Variants in DCBLD2 observed in about 807,000 individuals in gnomAD.
The protein encoded by DCBLD2 is discoidin, CUB and LCCL domain containing 2.
DCBLD2 carries 54 observed loss-of-function variants against 86.8 expected under a neutral mutation model. The observed-to-expected ratio is 0.62, with a 90% CI of 0.50 to 0.78. DCBLD2 has a LOEUF of 0.78. DCBLD2 is among the 30% of genes least tolerant of loss of function. DCBLD2 has a pLI of 0.00. For synonymous variants in DCBLD2, 354 were observed against 341.3 expected (o/e 1.04, Z -0.41); for missense variants, 908 against 954.2 (o/e 0.95, Z 0.64).
intron 3 of DCBLD2, among the ~76,000 whole-genome samples, chr3:98,848,291 C>T (rs1045872673): frequency 1.3e-5 from 2 of 152,180 alleles, no homozygotes; most frequent in Non-Finnish European, 2.9e-5. Context: ...CATGTCCCTG[C>T]AAAGAACATC....
intron 4 of DCBLD2, among the ~76,000 whole-genome samples, chr3:98,824,177 T>C (rs760165209): frequency 1.3e-5 from 2 of 152,102 alleles, no homozygotes; most frequent in Non-Finnish European, 2.9e-5. Flanking sequence ...TATTTCTAAG[T>C]AAAAATAGGA....
intron 2 of DCBLD2, among the ~76,000 whole-genome samples, chr3:98,860,408 A>G (rs141709857): frequency 0.061 from 9,303 of 152,208 alleles, 350 homozygotes; most frequent in Non-Finnish European, 0.071. Flanking sequence ...GAGCAACTTC[A>G]TGACACATAA....
chr3:98,881,278 A>C (rs1164754254), intron 2 of DCBLD2, among the ~76,000 whole-genome samples: 1 of 151,752 alleles, frequency 6.6e-6, no homozygotes. Flanking sequence ...AAAAAAAAAA[A>C]ACAGAGAATT....
chr3:98,845,047 C>T (rs1001363079), intron 3 of DCBLD2, among the ~76,000 whole-genome samples: 2 of 152,110 alleles, frequency 1.3e-5, no homozygotes. Context: ...ATTATTAGTC[C>T]TCTCATAGTT....
At chr3:98,811,149 C>T in intron 12 of DCBLD2, 45 bp downstream of exon 12, 1 of 1,491,972 alleles carries the variant, frequency 6.7e-7, no homozygotes, top group Non-Finnish European at 8.9e-7. Flanking sequence ...CAGTTAAGAA[C>T]AAAACAATAC....
intron 3 of DCBLD2, among the ~76,000 whole-genome samples, chr3:98,829,248 C>G (rs909416310): frequency 3.3e-5 from 5 of 151,984 alleles, no homozygotes; most frequent in African/African-American, 1.2e-4. Context: ...GGTACAGACC[C>G]CACCACCAAG....
intron 3 of DCBLD2, among the ~76,000 whole-genome samples, chr3:98,834,149 T>C (rs1256196383): frequency 1.3e-5 from 2 of 151,448 alleles, no homozygotes; most frequent in African/African-American, 4.8e-5. Flanking sequence ...TTTCTTTTTT[T>C]TTTTTTTTTT....
intron 2 of DCBLD2, among the ~76,000 whole-genome samples, chr3:98,878,087 T>C (rs909566765): frequency 1.2e-4 from 19 of 152,176 alleles, no homozygotes; most frequent in African/African-American, 1.2e-4. Flanking sequence ...TCATACAAGA[T>C]TAATATGTCC....
At chr3:98,807,974 T>C in intron 13 of DCBLD2, 107 bp downstream of exon 13, 1 of 780,196 alleles carries the variant, frequency 1.3e-6, no homozygotes, top group South Asian at 4.1e-5. Flanking sequence ...ATTTTAATAA[T>C]TACCTTAACT....
chr3:98,888,188 A>G (rs1447268950), intron 1 of DCBLD2, among the ~76,000 whole-genome samples: 1 of 151,988 alleles, frequency 6.6e-6, no homozygotes, highest in Non-Finnish European at 1.5e-5. Flanking sequence ...AAAATACTGC[A>G]TAAGATGCAC....
At chr3:98,820,382 C>T (rs1480598882) in intron 6 of DCBLD2, 94 bp from the exon 7 acceptor site, 5 of 947,762 alleles carry the variant, frequency 5.3e-6, no homozygotes, top group Non-Finnish European at 5.8e-6. Flanking sequence ...GTTCCCCCCA[C>T]CCAATAAAAG....
At chr3:98,893,315 G>A (rs1943695848) in intron 1 of DCBLD2, among the ~76,000 whole-genome samples, 1 of 151,214 alleles carries the variant, frequency 6.6e-6, no homozygotes, top group Non-Finnish European at 1.5e-5. Context: ...AGTTCAACAA[G>A]GCTATTATTT....
chr3:98,845,877 C>A (rs1271044824), intron 3 of DCBLD2, among the ~76,000 whole-genome samples: 2 of 152,190 alleles, frequency 1.3e-5, no homozygotes, highest in Non-Finnish European at 2.9e-5. Flanking sequence ...CAATCCTTCA[C>A]TTCTCAGCTT....
Position 98,901,246 on chromosome 3 carries a change from C to A in DCBLD2, c.81G>T (p.Trp27Cys). The change falls in exon 1 of 16, where the codon TGG becomes TGT. Residue 27 changes from tryptophan (W) to cysteine (C), a missense_variant. This residue lies in a region of DCBLD2 where 294 missense variants were observed against 256.0 expected (regional missense o/e 1.15). Coordinates refer to ENST00000326840, the MANE Select transcript of DCBLD2 (RefSeq NM_080927.4). ...GGGAGCGGGAGAGGGGGAGCGCGGC[C>A]CAGGCGGGGGCGGCGGCCGCGGCCC... Reference protein sequence around the residue: ...QVRAAAAAPAWAALPLSRSLP... With the variant: ...QVRAAAAAPACAALPLSRSLP... 4 of 1,533,822 alleles carry A rather than the reference C, an allele frequency of 2.6e-6. No individual in the cohort carries two copies. The highest frequency in any genetic ancestry group is 3.5e-6 in the Non-Finnish European group (4 of 1,146,198).
chr3:98,877,525 T>C (rs1402658497), intron 2 of DCBLD2, among the ~76,000 whole-genome samples: 1 of 152,164 alleles, frequency 6.6e-6, no homozygotes, highest in Non-Finnish European at 1.5e-5. Flanking sequence ...TAATGTTGCA[T>C]TAGTATTAAA....
intron 2 of DCBLD2, among the ~76,000 whole-genome samples, chr3:98,869,996 G>A (rs1943228516): frequency 1.3e-5 from 2 of 152,216 alleles, no homozygotes; most frequent in Non-Finnish European, 2.9e-5. Flanking sequence ...ATCATAGGGT[G>A]CTATTTTGTG....
chr3:98,802,215 CTGT>C (rs1941736183), intron 13 of DCBLD2, among the ~76,000 whole-genome samples: 1 of 152,176 alleles, frequency 6.6e-6, no homozygotes, highest in Non-Finnish European at 1.5e-5. Flanking sequence ...TCTCCAGCAC[CTGT>C]TGTTTCCTGA....
chr3:98,846,155 G>C (rs1576178490), intron 3 of DCBLD2, among the ~76,000 whole-genome samples: 1 of 152,162 alleles, frequency 6.6e-6, no homozygotes, highest in Non-Finnish European at 1.5e-5. Context: ...CTTGCACAAG[G>C]TAATGAGAAT....
chr3:98,861,142 T>A (rs1189598663), intron 2 of DCBLD2, among the ~76,000 whole-genome samples: 1 of 152,116 alleles, frequency 6.6e-6, no homozygotes, highest in Non-Finnish European at 1.5e-5. Context: ...CATTACATAA[T>A]GGTAAAGGGA....
Sources: allele counts gnomAD v4.1 joint callset (sites outside exome capture counted in the v4.1 genomes callset), GRCh38; gene constraint gnomAD v4.1.1; regional missense constraint gnomAD v4.1.1; transcripts MANE v1.5; gene names NCBI Gene and HGNC (gene_info 2026-07-23, HGNC 2026-07-21).